COL19A1: variants seen among roughly 807,000 people sequenced by gnomAD.
The protein encoded by COL19A1 is collagen type XIX alpha 1 chain.
A neutral mutation model predicts 190.2 loss-of-function variants in COL19A1; 159 were observed. The observed-to-expected ratio is 0.84, with a 90% CI of 0.73 to 0.95. COL19A1 has a LOEUF of 0.95. Ranked by LOEUF, COL19A1 falls within the 40% of genes least tolerant of loss-of-function variation. The pLI is 0.00. For missense variants in COL19A1, 1,418 were observed against 1,431.9 expected, an observed-to-expected ratio of 0.99 and a Z score of 0.16; for synonymous variants, 509 against 458.9, an observed-to-expected ratio of 1.11 and a Z score of -1.39.
chr6:70,130,330 A>T, intron 18 of COL19A1, 107 bp downstream of exon 18: 1 of 854,596 alleles, frequency 1.2e-6, no homozygotes, highest in Non-Finnish European at 1.8e-6. Flanking sequence ...GGTTCAAGTG[A>T]TTCTCCTGCC....
intron 6 of COL19A1, among the ~76,000 whole-genome samples, chr6:69,930,022 A>G (rs1772652438): frequency 6.6e-6 from 1 of 152,204 alleles, no homozygotes. Context: ...CTAAGTTCAT[A>G]TGTTTTAAAT....
chr6:70,184,272 A>C (rs1372495195), intron 44 of COL19A1, among the ~76,000 whole-genome samples: 1 of 152,198 alleles, frequency 6.6e-6, no homozygotes, highest in African/African-American at 2.4e-5. Flanking sequence ...AACCTGTTAG[A>C]AGGTAACAAA....
intron 15 of COL19A1, among the ~76,000 whole-genome samples, chr6:70,090,151 T>C (rs1212388487): frequency 1.3e-5 from 2 of 151,242 alleles, no homozygotes; most frequent in Non-Finnish European, 2.9e-5. Context: ...TACTTCAGCC[T>C]GGGTGACAGA....
At chr6:70,103,144 C>T (rs2150189198) in intron 16 of COL19A1, among the ~76,000 whole-genome samples, 1 of 152,242 alleles carries the variant, frequency 6.6e-6, no homozygotes, top group East Asian at 1.9e-4. Flanking sequence ...TCCTAGCTAC[C>T]ACAAAAGTAT....
At chr6:69,884,765 A>T (rs765767755) in intron 2 of COL19A1, among the ~76,000 whole-genome samples, 14 of 151,988 alleles carry the variant, frequency 9.2e-5, no homozygotes, top group Non-Finnish European at 2.1e-4. Flanking sequence ...AGGGGTAAAC[A>T]TCTTTTTTAA....
chr6:70,050,397 A>G (rs1297212431), intron 14 of COL19A1, among the ~76,000 whole-genome samples: 1 of 152,084 alleles, frequency 6.6e-6, no homozygotes, highest in Non-Finnish European at 1.5e-5. Context: ...ACTATTAACT[A>G]TAAACTGAAT....
intron 11 of COL19A1, among the ~76,000 whole-genome samples, chr6:70,005,771 C>G (rs986923838): frequency 6.6e-5 from 10 of 152,292 alleles, no homozygotes; most frequent in African/African-American, 2.4e-4. Context: ...GTTAAGTCTG[C>G]TGGTCCACAG....
intron 34 of COL19A1, among the ~76,000 whole-genome samples, chr6:70,157,516 T>C (rs1012178864): frequency 2.6e-4 from 39 of 152,124 alleles, no homozygotes; most frequent in Admixed American, 8.5e-4. Flanking sequence ...ATCATAACTA[T>C]ATAAAGAAAA....
intron 34 of COL19A1, 136 bp from the exon 35 acceptor site, chr6:70,161,763 AT>A: frequency 1.8e-6 from 1 of 567,302 alleles, no homozygotes; most frequent in Non-Finnish European, 2.9e-6. Context: ...AAAAAAGTAT[AT>A]TTGTATATGA....
intron 16 of COL19A1, among the ~76,000 whole-genome samples, chr6:70,110,133 A>T (rs1200225141): frequency 6.6e-6 from 1 of 152,198 alleles, no homozygotes; most frequent in East Asian, 1.9e-4. Flanking sequence ...AATAAAGCAG[A>T]TGACAAAAAC....
At chr6:70,135,485 G>C (rs144022964) in intron 18 of COL19A1, among the ~76,000 whole-genome samples, 246 of 152,206 alleles carry the variant, frequency 1.6e-3, no homozygotes, top group Admixed American at 2.9e-3. Context: ...ATTGCTTTGG[G>C]GATTCCAAGG....
In COL19A1 at chr6:70,087,191, G is replaced by A. The variant is rs117165088; in HGVS notation, c.1225-14978G>A. On this transcript the variant is annotated intron_variant, in intron 15 of 50. Transcript: ENST00000620364. ...ACACCTAAAATAGTCAAAAACCTCT[G>A]CCCTCATGGAACTTACATTCTATTA... Among the ~76,000 whole-genome samples the A allele has an allele frequency of 1.6e-3, 238 of 152,174 alleles. 6 individuals are homozygous for A. The East Asian group carries it at 0.036, about 23-fold the overall frequency.
At chr6:70,044,913 G>A (rs1779825672) in intron 14 of COL19A1, among the ~76,000 whole-genome samples, 1 of 152,050 alleles carries the variant, frequency 6.6e-6, no homozygotes, top group Admixed American at 6.5e-5. Flanking sequence ...AGCTAGTGAA[G>A]TTTATTTTAT....
chr6:70,170,586 C>G (rs1056435275), intron 40 of COL19A1, among the ~76,000 whole-genome samples: 7 of 152,072 alleles, frequency 4.6e-5, no homozygotes, highest in African/African-American at 1.7e-4. Context: ...TGATTGAGCA[C>G]CTCTGTCTTA....
chr6:69,951,310 A>T (rs1215498732), intron 9 of COL19A1, among the ~76,000 whole-genome samples: 1 of 151,916 alleles, frequency 6.6e-6, no homozygotes, highest in Non-Finnish European at 1.5e-5. Context: ...GCTTTATCTT[A>T]AGGATTAAAT....
Position 70,142,824 on chromosome 6 carries a change from T to C in COL19A1, c.1626+4T>C, listed in dbSNP as rs1443425712. ...CAGAGGACCGCCAGGAGATGTTGTA[T>C]GTATAATGTCTTTGATATTTCTGGA... On this transcript the variant is annotated splice_donor_region_variant and intron_variant, in intron 23 of 50. Transcript: ENST00000620364. The C allele has an allele frequency of 6.2e-7, 1 of 1,610,580 alleles. No homozygotes were observed. The highest frequency in any genetic ancestry group is 1.7e-5 in the Admixed American group (1 of 59,610).
At chr6:70,143,092 G>A (rs980097123) in intron 23 of COL19A1, among the ~76,000 whole-genome samples, 3 of 152,158 alleles carry the variant, frequency 2.0e-5, no homozygotes, top group Non-Finnish European at 4.4e-5. Flanking sequence ...GGACATGCTT[G>A]TCAGTGCTGT....
At chr6:70,128,303 A>C (rs9454982) in intron 17 of COL19A1, among the ~76,000 whole-genome samples, 22,211 of 152,204 alleles carry the variant, frequency 0.15, 1,704 homozygotes, top group Middle Eastern at 0.17. Flanking sequence ...TGGCTGTGTA[A>C]ATATTACCTA....
chr6:70,041,209 A>T (rs780714871), intron 14 of COL19A1, among the ~76,000 whole-genome samples: 1 of 152,220 alleles, frequency 6.6e-6, no homozygotes, highest in African/African-American at 2.4e-5. Context: ...TTAATGAAAT[A>T]TCTGATTTCT....
Sources: allele counts gnomAD v4.1 joint callset (sites outside exome capture counted in the v4.1 genomes callset), GRCh38; gene constraint gnomAD v4.1.1; transcripts MANE v1.5; gene names NCBI Gene and HGNC (gene_info 2026-07-23, HGNC 2026-07-21).